Variants in BICC1 observed in about 807,000 individuals in gnomAD.
BICC1 encodes protein bicaudal C homolog 1.
A neutral mutation model predicts 111.0 loss-of-function variants in BICC1; 43 were observed. The observed-to-expected ratio is 0.39, with a 90% CI of 0.30 to 0.50. The LOEUF (loss-of-function observed/expected upper bound fraction) is 0.50, where lower values mean the gene tolerates loss of function less well. Among genes scored for constraint, BICC1 ranks in the 20% least tolerant of loss-of-function variants. BICC1 has a pLI of 0.88. For synonymous variants in BICC1, 467 were observed against 434.4 expected (o/e 1.07, Z -0.93); for missense variants, 1,091 against 1,203.2 (o/e 0.91, Z 1.38).
chr10:58,634,318 T>C (rs2132185397), intron 2 of BICC1, among the ~76,000 whole-genome samples: 1 of 152,282 alleles, frequency 6.6e-6, no homozygotes, highest in Non-Finnish European at 1.5e-5. Flanking sequence ...GTTGAATTAT[T>C]AACTGGAATT....
chr10:58,768,342 T>C (rs1158418868), intron 3 of BICC1, among the ~76,000 whole-genome samples: 1 of 152,148 alleles, frequency 6.6e-6, no homozygotes, highest in African/African-American at 2.4e-5. Flanking sequence ...CTTTCAATGG[T>C]ACTTTACTCA....
intron 3 of BICC1, among the ~76,000 whole-genome samples, chr10:58,759,435 C>T (rs566004555): frequency 1.3e-5 from 2 of 152,034 alleles, no homozygotes; most frequent in African/African-American, 2.4e-5. Flanking sequence ...CTTGTGCTGG[C>T]ATATGAAATG....
intron 3 of BICC1, chr10:58,716,164 C>T (rs761491238): frequency 1.1e-5 from 16 of 1,498,900 alleles, no homozygotes; most frequent in Middle Eastern, 4.7e-4. Flanking sequence ...TGAGGAGGTG[C>T]GAGCAAAAAA....
chr10:58,623,947 G>C (rs539519245), intron 2 of BICC1, among the ~76,000 whole-genome samples: 49 of 152,116 alleles, frequency 3.2e-4, no homozygotes, highest in Middle Eastern at 3.4e-3. Flanking sequence ...CCACAAATGA[G>C]ATTGTTAGGG....
At chr10:58,518,314 C>A (rs75442147) in intron 1 of BICC1, among the ~76,000 whole-genome samples, 311 of 152,060 alleles carry the variant, frequency 2.0e-3, no homozygotes, top group African/African-American at 7.1e-3. Flanking sequence ...GAAGAAAATA[C>A]TCTGCCTGGG....
chr10:58,674,561 A>T (rs1839282023), intron 2 of BICC1, among the ~76,000 whole-genome samples: 1 of 152,152 alleles, frequency 6.6e-6, no homozygotes, highest in Non-Finnish European at 1.5e-5. Flanking sequence ...ACTCTTGATT[A>T]GATGCATGAT....
rs186868724 is a variant in BICC1 at position 58,683,200 on chromosome 10, T to A, written c.238-18874T>A. 9.8e-3 allele frequency among the ~76,000 whole-genome samples: 1,498 copies of A among 152,252 alleles called. 24 individuals are homozygous for A. Among genetic ancestry groups the A allele is most frequent in the African/African-American group, 0.035 (1,433 of 41,514 alleles). On this transcript the variant is annotated intron_variant, in intron 2 of 20. Transcript: ENST00000373886. ...CAAAGATCAGATGGTTGTAGATGTG[T>A]GGTATTATTTCTGAGGGTTCTGTTC...
At chr10:58,677,451 C>T (rs563967964) in intron 2 of BICC1, among the ~76,000 whole-genome samples, 4 of 151,896 alleles carry the variant, frequency 2.6e-5, no homozygotes, top group African/African-American at 7.3e-5. Context: ...GAAAGGATAT[C>T]GGAGATGGAA....
intron 1 of BICC1, among the ~76,000 whole-genome samples, chr10:58,576,278 A>T (rs1215692477): frequency 1.3e-5 from 2 of 152,238 alleles, no homozygotes; most frequent in African/African-American, 4.8e-5. Context: ...ATCCTGTAAT[A>T]GTTAATACAA....
intron 1 of BICC1, among the ~76,000 whole-genome samples, chr10:58,563,864 A>G (rs750332806): frequency 3.3e-5 from 5 of 151,800 alleles, no homozygotes; most frequent in East Asian, 1.9e-4. Flanking sequence ...CAGTTTTTCT[A>G]ATGTTTGCCG....
At chr10:58,530,184 T>G (rs1489022440) in intron 1 of BICC1, among the ~76,000 whole-genome samples, 1 of 151,830 alleles carries the variant, frequency 6.6e-6, no homozygotes, top group East Asian at 1.9e-4. Flanking sequence ...CTGATTAATG[T>G]ACATCATAGC....
Position 58,644,544 on chromosome 10 carries a change from C to T in BICC1, c.237+23643C>T, listed in dbSNP as rs1195627035. On this transcript the variant is annotated intron_variant, in intron 2 of 20. Transcript: ENST00000373886. ...TTGTTTAAGGCATGTGTATCCTATA[C>T]GTGCCTTGTGGCAATTCCACAGCTG... is the stretch of plus-strand genomic sequence containing the variant. Among the ~76,000 whole-genome samples, 6 of 152,308 alleles carry T rather than the reference C, an allele frequency of 3.9e-5. No homozygotes were observed. In the East Asian group the frequency reaches 9.6e-4, roughly 24 times the overall value.
intron 3 of BICC1, among the ~76,000 whole-genome samples, chr10:58,751,966 C>T (rs1842002349): frequency 6.6e-6 from 1 of 152,160 alleles, no homozygotes; most frequent in Admixed American, 6.5e-5. Flanking sequence ...AAGATGAAAA[C>T]AAGCCTCCCT....
intron 1 of BICC1, among the ~76,000 whole-genome samples, chr10:58,610,358 G>A (rs1169914406): frequency 1.3e-5 from 2 of 152,100 alleles, no homozygotes; most frequent in African/African-American, 4.8e-5. Flanking sequence ...GATTTTACAT[G>A]TGAAAAAATG....
At chr10:58,802,476 T>C (rs7067550) in intron 14 of BICC1, among the ~76,000 whole-genome samples, 102,481 of 152,100 alleles carry the variant, frequency 0.67, 35,426 homozygotes, top group East Asian at 0.76. Flanking sequence ...TCTGTACATA[T>C]CATGTGTTGT....
At chr10:58,604,584 C>A (rs934679066) in intron 1 of BICC1, among the ~76,000 whole-genome samples, 4 of 152,124 alleles carry the variant, frequency 2.6e-5, no homozygotes, top group African/African-American at 4.8e-5. Context: ...TGGCGTGAAC[C>A]CGGGAGGCAG....
intron 1 of BICC1, among the ~76,000 whole-genome samples, chr10:58,527,828 G>A (rs534817337): frequency 6.6e-6 from 1 of 152,046 alleles, no homozygotes; most frequent in East Asian, 1.9e-4. Context: ...GAGGAGCTTG[G>A]TGTCAGGCTC....
rs1408246123 is a variant in BICC1, at chr10:58,831,082, TTAAG to T, written c.*2194_*2197del. On this transcript the variant is annotated 3_prime_UTR_variant, in exon 21 of 21. Coordinates refer to ENST00000373886, the MANE Select transcript of BICC1 (RefSeq NM_001080512.3). Reference sequence around the variant, plus strand: ...GGAAAACTGTCCCACTTAAATTAGATTAAGTAGGGTGGCTAAAAATAAATAAAAA... The same window carrying T: ...GGAAAACTGTCCCACTTAAATTAGATTAGGGTGGCTAAAAATAAATAAAAA... 6.6e-6 allele frequency: 1 copy of T among 152,198 alleles called. No homozygotes were observed. Among genetic ancestry groups the T allele is most frequent in the African/African-American group, 2.4e-5 (1 of 41,450 alleles). The allele number at this position is 152,198 out of a possible 1,614,324, so 9.4% of individuals were successfully genotyped here.
intron 3 of BICC1, among the ~76,000 whole-genome samples, chr10:58,744,146 A>G (rs1230824168): frequency 6.6e-6 from 1 of 152,180 alleles, no homozygotes; most frequent in African/African-American, 2.4e-5. Context: ...TTGAATGATG[A>G]TATCATACTT....
Sources: allele counts gnomAD v4.1 joint callset (sites outside exome capture counted in the v4.1 genomes callset), GRCh38; gene constraint gnomAD v4.1.1; transcripts MANE v1.5; gene names NCBI Gene and HGNC (gene_info 2026-07-23, HGNC 2026-07-21).